The following RALYL variants were observed in gnomAD, a reference collection of about 807,000 sequenced individuals.
RALYL encodes RNA-binding Raly-like protein.
In RALYL, 29 loss-of-function variants were observed where a neutral mutation model predicts 35.1. The observed-to-expected ratio is 0.83, with a 90% CI of 0.61 to 1.13. The LOEUF (loss-of-function observed/expected upper bound fraction) is 1.13. RALYL is among the 50% of genes most tolerant of loss of function. The pLI, the probability that RALYL is intolerant of heterozygous loss-of-function variation, is 0.00. For missense variants in RALYL, 359 were observed against 360.4 expected, an observed-to-expected ratio of 1.00 and a Z score of 0.03; for synonymous variants, 120 against 127.6, an observed-to-expected ratio of 0.94 and a Z score of 0.40.
At chr8:84,616,366 A>G (rs1292597113) in intron 2 of RALYL, among the ~76,000 whole-genome samples, 5 of 148,052 alleles carry the variant, frequency 3.4e-5, no homozygotes, top group African/African-American at 1.3e-4. Flanking sequence ...ACATTTTTTC[A>G]TGTGTTTTTT....
chr8:84,441,885 A>G (rs1278534979), intron 1 of RALYL, among the ~76,000 whole-genome samples: 1 of 152,136 alleles, frequency 6.6e-6, no homozygotes, highest in African/African-American at 2.4e-5. Flanking sequence ...GGCATTTGTA[A>G]GATTGGCTTT....
At chr8:84,539,463 T>G (rs1447308797) in intron 2 of RALYL, among the ~76,000 whole-genome samples, 1 of 152,086 alleles carries the variant, frequency 6.6e-6, no homozygotes, top group Non-Finnish European at 1.5e-5. Context: ...GAATTTATGT[T>G]CTCTGGCTCT....
rs184063049 is a variant in RALYL, at chr8:84,592,316, G to C, written c.256+62739G>C. Among the ~76,000 whole-genome samples the C allele has an allele frequency of 3.6e-3, 554 of 152,186 alleles. 4 individuals carry two copies. The highest frequency in any genetic ancestry group is 5.9e-3 in the Non-Finnish European group (400 of 67,988). The stretch of plus-strand genomic sequence containing the variant: ...CCTTTTTTACTTTAAAAGTTTTAAA[G>C]ATAATAAGTTTCCTTTCAAAAATAA... On this transcript the variant is annotated intron_variant, in intron 2 of 8. Transcript: ENST00000521268.
At chr8:84,799,840 C>T (rs1356528223) in intron 3 of RALYL, among the ~76,000 whole-genome samples, 1 of 152,120 alleles carries the variant, frequency 6.6e-6, no homozygotes, top group Non-Finnish European at 1.5e-5. Context: ...CCTGTAGTCC[C>T]AGCTACTCGG....
chr8:84,867,775 A>G lies in RALYL; in HGVS notation c.571+5322A>G, dbSNP rs149645979. On this transcript the variant is annotated intron_variant, in intron 6 of 8. Coordinates refer to ENST00000521268, the MANE Select transcript of RALYL (RefSeq NM_173848.7). ...TAATTTATCTTTTTTCTTTGCCCACATAGCTGATACAAGTTCAATTAATCA... is the reference window on the plus strand; with the variant it reads ...TAATTTATCTTTTTTCTTTGCCCACGTAGCTGATACAAGTTCAATTAATCA... Among the ~76,000 whole-genome samples the G allele has an allele frequency of 3.9e-3, 590 of 152,300 alleles. 3 individuals are homozygous for G. The highest frequency in any genetic ancestry group is 0.014 in the African/African-American group (562 of 41,554).
chr8:84,427,615 A>G (rs1023744061), intron 1 of RALYL, among the ~76,000 whole-genome samples: 1 of 152,062 alleles, frequency 6.6e-6, no homozygotes, highest in Non-Finnish European at 1.5e-5. Flanking sequence ...CCTGTGCCTT[A>G]GCCATATGTA....
intron 3 of RALYL, among the ~76,000 whole-genome samples, chr8:84,787,085 A>G (rs1448361380): frequency 6.6e-6 from 1 of 152,150 alleles, no homozygotes; most frequent in East Asian, 1.9e-4. Context: ...AGGTATACAC[A>G]TGCTATGGTG....
At chr8:84,475,693 A>G (rs1386142506) in intron 1 of RALYL, among the ~76,000 whole-genome samples, 1 of 152,178 alleles carries the variant, frequency 6.6e-6, no homozygotes, top group Non-Finnish European at 1.5e-5. Context: ...GTTTGGTAAA[A>G]GAAAAAAAAG....
chr8:84,352,746 G>A (rs1312967525), intron 1 of RALYL, among the ~76,000 whole-genome samples: 3 of 150,174 alleles, frequency 2.0e-5, no homozygotes, highest in Non-Finnish European at 3.0e-5. Flanking sequence ...GTTAGCTATT[G>A]TTATCTTCCT....
At chr8:84,189,132 T>C (rs894686626) in intron 1 of RALYL, among the ~76,000 whole-genome samples, 1 of 152,156 alleles carries the variant, frequency 6.6e-6, no homozygotes, top group Non-Finnish European at 1.5e-5. Context: ...TATTTGACCA[T>C]GTAAAAATCT....
chr8:84,393,788 C>A (rs1232999418), intron 1 of RALYL, among the ~76,000 whole-genome samples: 1 of 152,106 alleles, frequency 6.6e-6, no homozygotes, highest in East Asian at 1.9e-4. Flanking sequence ...TTCTAAGCAT[C>A]AGTTTCTCAC....
chr8:84,862,503 C>T (rs16913375), intron 6 of RALYL, 50 bp downstream of exon 6: 168,919 of 1,410,344 alleles, frequency 0.12, 11,296 homozygotes, highest in Non-Finnish European at 0.14. Context: ...GAGTGATTAA[C>T]TATCATTGCA....
chr8:84,291,461 T>C (rs1563678564), intron 1 of RALYL, among the ~76,000 whole-genome samples: 1 of 152,174 alleles, frequency 6.6e-6, no homozygotes, highest in Non-Finnish European at 1.5e-5. Context: ...ATATATGTTG[T>C]CAATAATTTT....
At chr8:84,383,472 C>T (rs1197420999) in intron 1 of RALYL, among the ~76,000 whole-genome samples, 1 of 151,318 alleles carries the variant, frequency 6.6e-6, no homozygotes, top group African/African-American at 2.4e-5. Context: ...TAGGAGGCTC[C>T]AGAGCTTATT....
intron 4 of RALYL, among the ~76,000 whole-genome samples, chr8:84,844,742 G>A (rs1480008093): frequency 1.3e-5 from 2 of 152,160 alleles, no homozygotes; most frequent in African/African-American, 4.8e-5. Flanking sequence ...ATGATAGAGT[G>A]GATTAAGAAA....
At chr8:84,425,297 G>T (rs1447826163) in intron 1 of RALYL, among the ~76,000 whole-genome samples, 3 of 152,040 alleles carry the variant, frequency 2.0e-5, no homozygotes, top group Non-Finnish European at 4.4e-5. Context: ...TATTCGGGTG[G>T]GAGTGACCCG....
chr8:84,798,217 G>T (rs1468678298), intron 3 of RALYL, among the ~76,000 whole-genome samples: 1 of 151,920 alleles, frequency 6.6e-6, no homozygotes, highest in Admixed American at 6.6e-5. Flanking sequence ...ATTTCCATCT[G>T]CTGAGTACTG....
intron 2 of RALYL, among the ~76,000 whole-genome samples, chr8:84,722,589 T>C (rs1166423737): frequency 7.0e-6 from 1 of 143,204 alleles, no homozygotes; most frequent in Non-Finnish European, 1.5e-5. Flanking sequence ...CTACAATGTC[T>C]CAAGGTCAGT....
At chr8:84,487,194 T>C (rs748476136) in intron 1 of RALYL, among the ~76,000 whole-genome samples, 2 of 152,056 alleles carry the variant, frequency 1.3e-5, no homozygotes, top group Non-Finnish European at 2.9e-5. Flanking sequence ...AAGCAAAGTA[T>C]TAAAATTCAA....
Sources: gnomAD v4.1 joint callset for allele counts (sites outside exome capture counted in the v4.1 genomes callset) on GRCh38, gnomAD v4.1.1 for gene constraint, MANE v1.5 for transcripts, NCBI Gene and HGNC (gene_info 2026-07-23, HGNC 2026-07-21) for gene names.